The following CASR variants were observed in gnomAD, a reference collection of about 807,000 sequenced individuals.
CASR encodes calcium sensing receptor, also known as extracellular calcium-sensing receptor.
Under a neutral mutation model 69.1 loss-of-function variants are expected in CASR, and 23 were observed. The ratio of observed to expected loss-of-function variants is 0.33; its 90% confidence interval spans 0.24 to 0.47. The LOEUF (loss-of-function observed/expected upper bound fraction) is 0.47, where lower values mean the gene tolerates loss of function less well. CASR is among the 20% of genes least tolerant of loss of function. The pLI is 1.00. For missense variants in CASR, 924 were observed against 1,356.1 expected (o/e 0.68, Z 5.00); for synonymous variants, 541 against 544.7 (o/e 0.99, Z 0.10).
chr3:122,205,137 C>CA (rs1192178374), intron 1 of CASR, among the ~76,000 whole-genome samples: 2 of 151,978 alleles, frequency 1.3e-5, no homozygotes, highest in East Asian at 1.9e-4. Context: ...AAGTCTTACC[C>CA]AAAAAAATCC....
chr3:122,223,125 C>T (rs1159489857), intron 1 of CASR, among the ~76,000 whole-genome samples: 1 of 151,990 alleles, frequency 6.6e-6, no homozygotes, highest in East Asian at 1.9e-4. Flanking sequence ...TTAGAAATAT[C>T]TTAAATTAAC....
intron 1 of CASR, among the ~76,000 whole-genome samples, chr3:122,200,925 T>C (rs147905957): frequency 1.3e-5 from 2 of 152,220 alleles, no homozygotes; most frequent in East Asian, 1.9e-4. Flanking sequence ...AGTATATGCT[T>C]CTTCTCTTTG....
chr3:122,191,956 A>G (rs2073843970), intron 1 of CASR, among the ~76,000 whole-genome samples: 1 of 152,258 alleles, frequency 6.6e-6, no homozygotes, highest in African/African-American at 2.4e-5. Context: ...GTCATAACAA[A>G]TTACCTGGAA....
In CASR at chr3:122,230,098, A is replaced by G. The variant is rs2107607571; in HGVS notation, c.-242-23850A>G. ...GGCATTACAGTATTGGATTCTAATCATGTATTCATTCTGCTCAGAAATGTT... is the reference window on the plus strand; with the variant it reads ...GGCATTACAGTATTGGATTCTAATCGTGTATTCATTCTGCTCAGAAATGTT... On this transcript the variant is annotated intron_variant, in intron 1 of 6. Transcript: ENST00000639785. Among the ~76,000 whole-genome samples, 3 of 152,336 alleles carry G rather than the reference A, an allele frequency of 2.0e-5. No homozygotes were observed. The South Asian group carries it at 6.2e-4, about 32-fold the overall frequency.
rs1421764018 is a variant in CASR, at chr3:122,287,078, C to G, written c.*1887C>G. On this transcript the variant is annotated 3_prime_UTR_variant, in exon 7 of 7. Coordinates refer to ENST00000639785, the MANE Select transcript of CASR (RefSeq NM_000388.4). The stretch of plus-strand genomic sequence containing the variant: ...CAGCCTGCGCCCCCCTGCAGTCATG[C>G]CTCTGAGCAAGGCACCGAGCTGAGT... The G allele has an allele frequency of 6.6e-6, 1 of 152,206 alleles. No homozygotes were observed. The highest frequency in any genetic ancestry group is 2.4e-5 in the African/African-American group (1 of 41,452). The allele number at this position is 152,206 out of a possible 1,614,324, so 9.4% of individuals were successfully genotyped here. A position where few individuals can be genotyped will look rare whatever the true frequency, so the allele number is the denominator to read the frequency against.
intron 1 of CASR, among the ~76,000 whole-genome samples, chr3:122,208,488 G>T (rs1219649841): frequency 6.6e-6 from 1 of 152,144 alleles, no homozygotes; most frequent in East Asian, 1.9e-4. Flanking sequence ...ATGATAAAGA[G>T]AAGTGATGAT....
intron 1 of CASR, among the ~76,000 whole-genome samples, chr3:122,212,390 A>T (rs2074077338): frequency 6.6e-6 from 1 of 152,078 alleles, no homozygotes; most frequent in African/African-American, 2.4e-5. Flanking sequence ...GAGGAATAAC[A>T]CACACTGGGG....
At chr3:122,215,455 CT>C (rs2107598282) in intron 1 of CASR, among the ~76,000 whole-genome samples, 1 of 152,274 alleles carries the variant, frequency 6.6e-6, no homozygotes, top group Admixed American at 6.5e-5. Context: ...CAACGTTTTT[CT>C]TTATTTAAGA....
intron 4 of CASR, among the ~76,000 whole-genome samples, chr3:122,271,372 C>T (rs1440279486): frequency 6.6e-6 from 1 of 152,126 alleles, no homozygotes; most frequent in Non-Finnish European, 1.5e-5. Context: ...CTTCCTTCTC[C>T]AGATAAGATG....
chr3:122,245,822 GC>G (rs1018153524), intron 1 of CASR, among the ~76,000 whole-genome samples: 21 of 152,152 alleles, frequency 1.4e-4, no homozygotes, highest in African/African-American at 5.1e-4. Context: ...CCAATTTTGT[GC>G]ACCTGCGGTC....
At chr3:122,206,351 G>C (rs56820651) in intron 1 of CASR, among the ~76,000 whole-genome samples, 23,570 of 151,544 alleles carry the variant, frequency 0.16, 1,851 homozygotes, top group Non-Finnish European at 0.17. Flanking sequence ...TTTTGTTGTT[G>C]GTTCTGTTAA....
Position 122,236,371 on chromosome 3 carries a change from C to T in CASR, c.-242-17577C>T, listed in dbSNP as rs568216389. Among the ~76,000 whole-genome samples, 32 of 152,232 alleles carry T rather than the reference C, an allele frequency of 2.1e-4. No individual in the cohort carries two copies. The South Asian group carries it at 3.7e-3, about 18-fold the overall frequency. On this transcript the variant is annotated intron_variant, in intron 1 of 6. Transcript: ENST00000639785. The stretch of plus-strand genomic sequence containing the variant: ...TTTAAATGCTGGTTCATGATTCTTC[C>T]GGGCAAAGCTGAAGGGGCCAGCTAA...
chr3:122,236,137 C>T (rs1482455793), intron 1 of CASR, among the ~76,000 whole-genome samples: 1 of 152,218 alleles, frequency 6.6e-6, no homozygotes, highest in Non-Finnish European at 1.5e-5. Context: ...AGGGTTACCA[C>T]ATTAAAAGAA....
At position 122,254,201 on chromosome 3, in the gene CASR, T is replaced by C. The variant is rs1384647209; in HGVS notation, c.12T>C (p.Tyr4=). The change falls in exon 2 of 7, where the codon TAT becomes TAC. Residue 4 remains tyrosine (Y), a synonymous_variant. Transcript: ENST00000639785. ...GAGACGGCAGAACCATGGCATTTTATAGCTGCTGCTGGGTCCTCTTGGCAC... is the reference window on the plus strand; with the variant it reads ...GAGACGGCAGAACCATGGCATTTTACAGCTGCTGCTGGGTCCTCTTGGCAC... MAF[Y]SCCWVLLALT... 6.2e-7 allele frequency: 1 copy of C among 1,613,130 alleles called. No homozygotes were observed. Among genetic ancestry groups the C allele is most frequent in the East Asian group, 2.2e-5 (1 of 44,892 alleles).
chr3:122,261,135 A>C (rs947537633), intron 3 of CASR, among the ~76,000 whole-genome samples: 5 of 152,212 alleles, frequency 3.3e-5, no homozygotes, highest in African/African-American at 1.2e-4. Flanking sequence ...AGTTGTGTAC[A>C]TGGATATATT....
At chr3:122,200,574 T>C (rs2073938442) in intron 1 of CASR, among the ~76,000 whole-genome samples, 1 of 152,248 alleles carries the variant, frequency 6.6e-6, no homozygotes, top group Non-Finnish European at 1.5e-5. Context: ...CTGTAGTTTA[T>C]TCATTTTTAC....
rs1360243716 is a variant in CASR, at chr3:122,284,543, G to A, written c.2589G>A (p.Lys863=). 6.2e-7 allele frequency: 1 copy of A among 1,613,910 alleles called. No homozygotes were observed. ...ACAAGATCTACATCATTCTCTTCAA[G>A]CCATCCCGCAACACCATCGAGGAGG... The part of the protein sequence containing the change: ...FFNKIYIILF[K]PSRNTIEEVR... Residue 863 remains lysine (K), a synonymous_variant, in exon 7 of 7, where the codon AAG becomes AAA. Coordinates refer to ENST00000639785, the MANE Select transcript of CASR (RefSeq NM_000388.4).
chr3:122,193,448 C>T (rs2073858299), intron 1 of CASR, among the ~76,000 whole-genome samples: 1 of 152,088 alleles, frequency 6.6e-6, no homozygotes. Flanking sequence ...AACTCCTGAC[C>T]TCAAGTGATC....
intron 1 of CASR, among the ~76,000 whole-genome samples, chr3:122,207,954 A>G (rs141330410): frequency 1.3e-5 from 2 of 152,242 alleles, no homozygotes; most frequent in East Asian, 3.9e-4. Context: ...AAAGTCCCCT[A>G]CTATTACTGT....
Sources: gnomAD v4.1 joint callset for allele counts (sites outside exome capture counted in the v4.1 genomes callset) on GRCh38, gnomAD v4.1.1 for gene constraint, MANE v1.5 for transcripts, NCBI Gene and HGNC (gene_info 2026-07-23, HGNC 2026-07-21) for gene names.